PLCB1: variants seen among roughly 807,000 people sequenced by gnomAD.
PLCB1 encodes the protein 1-phosphatidylinositol 4,5-bisphosphate phosphodiesterase beta-1.
PLCB1 carries 46 observed loss-of-function variants against 161.8 expected under a neutral mutation model. The observed-to-expected ratio is 0.28, with a 90% confidence interval of 0.22 to 0.36. The LOEUF (loss-of-function observed/expected upper bound fraction) is 0.36, where lower values mean the gene tolerates loss of function less well. Among genes scored for constraint, PLCB1 ranks in the 10% least tolerant of loss-of-function variants. The probability of loss-of-function intolerance (pLI) is 1.00; values close to 1 mark genes in which losing one functional copy is unlikely to be tolerated. For missense variants in PLCB1, 1,016 were observed against 1,472.5 expected (o/e 0.69, Z 5.07); for synonymous variants, 517 against 503.7 (o/e 1.03, Z -0.35).
At chr20:8,673,503 C>T (rs1990000075) in intron 9 of PLCB1, among the ~76,000 whole-genome samples, 1 of 152,176 alleles carries the variant, frequency 6.6e-6, no homozygotes, top group Non-Finnish European at 1.5e-5. Context: ...GGACTCAGCC[C>T]CCCAAATCCC....
intron 3 of PLCB1, among the ~76,000 whole-genome samples, chr20:8,417,580 C>T (rs1331628598): frequency 2.0e-5 from 3 of 151,966 alleles, no homozygotes; most frequent in Non-Finnish European, 4.4e-5. Context: ...CATGTTCTCT[C>T]TTTTAGGGGA....
At chr20:8,477,450 T>C (rs765485502) in intron 3 of PLCB1, among the ~76,000 whole-genome samples, 3 of 152,116 alleles carry the variant, frequency 2.0e-5, no homozygotes, top group Non-Finnish European at 4.4e-5. Flanking sequence ...TATAAAATAA[T>C]AAGGAGAGAA....
chr20:8,353,122 G>C (rs1413169274), intron 2 of PLCB1, among the ~76,000 whole-genome samples: 3 of 152,010 alleles, frequency 2.0e-5, no homozygotes, highest in African/African-American at 7.2e-5. Context: ...TCTAGAGCTG[G>C]GGAAGGGAAT....
At chr20:8,603,613 G>T (rs1390452222) in intron 3 of PLCB1, among the ~76,000 whole-genome samples, 1 of 152,180 alleles carries the variant, frequency 6.6e-6, no homozygotes, top group Non-Finnish European at 1.5e-5. Context: ...TGTTAGAAAT[G>T]CAGAGTCTCA....
chr20:8,281,397 A>G (rs770793192), intron 2 of PLCB1, among the ~76,000 whole-genome samples: 7 of 152,074 alleles, frequency 4.6e-5, no homozygotes, highest in Non-Finnish European at 1.0e-4. Flanking sequence ...CCTTCTTAAC[A>G]TAGATGTCAT....
intron 3 of PLCB1, among the ~76,000 whole-genome samples, chr20:8,475,062 T>C (rs190725232): frequency 3.9e-5 from 6 of 152,038 alleles, no homozygotes. Flanking sequence ...TTAGTATATT[T>C]GGCAAGGAGA....
chr20:8,684,748 T>C (rs1990317157), intron 9 of PLCB1, among the ~76,000 whole-genome samples, 184 bp from the exon 10 acceptor site: 1 of 152,072 alleles, frequency 6.6e-6, no homozygotes, highest in Admixed American at 6.5e-5. Context: ...ATGTTTTCTC[T>C]ATTGTCTGTG....
rs190598816 is a variant in PLCB1 at position 8,163,437 on chromosome 20, G to A, written c.177+13066G>A. 4.6e-5 allele frequency among the ~76,000 whole-genome samples: 7 copies of A among 152,300 alleles called. 1 individual carries two copies. The highest frequency in any genetic ancestry group is 4.1e-4 in the South Asian group (2 of 4,828). ...ACATAGATGCAGCTGGAAGCTGTCC[G>A]TTGGCATACATGAAAACACATGGGC... On this transcript the variant is annotated intron_variant, in intron 2 of 31. Coordinates refer to ENST00000338037, the MANE Select transcript of PLCB1 (RefSeq NM_015192.4).
intron 31 of PLCB1, among the ~76,000 whole-genome samples, chr20:8,830,678 T>A (rs999432783): frequency 6.6e-6 from 1 of 151,326 alleles, no homozygotes; most frequent in African/African-American, 2.4e-5. Context: ...ACTTTACAGT[T>A]TTTTTTTTAA....
At chr20:8,706,076 C>T (rs1329889607) in intron 11 of PLCB1, among the ~76,000 whole-genome samples, 4 of 152,198 alleles carry the variant, frequency 2.6e-5, no homozygotes, top group East Asian at 1.9e-4. Flanking sequence ...ACAACCACAA[C>T]GGTTTACTTC....
intron 2 of PLCB1, among the ~76,000 whole-genome samples, chr20:8,157,409 A>T (rs1189970985): frequency 1.3e-5 from 2 of 152,212 alleles, no homozygotes; most frequent in African/African-American, 4.8e-5. Context: ...CTTCCTCCCT[A>T]CTGACCAAGA....
rs1020446220 is a variant in PLCB1 at position 8,190,457 on chromosome 20, G to A, written c.177+40086G>A. ...GAAATGCCTTAACATTCTCCATCAG[G>A]GACAAGTTATGTTTTGTAGTTAGCG... is the stretch of plus-strand genomic sequence containing the variant. On this transcript the variant is annotated intron_variant, in intron 2 of 31. Transcript: ENST00000338037. 3.3e-5 allele frequency among the ~76,000 whole-genome samples: 5 copies of A among 152,026 alleles called. No individual in the cohort carries two copies. In the East Asian group the frequency reaches 9.7e-4, roughly 29 times the overall value.
chr20:8,353,225 T>C (rs549770514), intron 2 of PLCB1, among the ~76,000 whole-genome samples: 2 of 152,022 alleles, frequency 1.3e-5, no homozygotes, highest in South Asian at 2.1e-4. Context: ...TTCTCAATGG[T>C]CAAAGCTGGA....
intron 3 of PLCB1, among the ~76,000 whole-genome samples, chr20:8,555,713 A>G (rs1465536788): frequency 6.6e-6 from 1 of 152,106 alleles, no homozygotes; most frequent in Non-Finnish European, 1.5e-5. Flanking sequence ...AGAATATGGC[A>G]TGTGCTCTTA....
intron 2 of PLCB1, among the ~76,000 whole-genome samples, chr20:8,257,370 T>C (rs1387015889): frequency 6.6e-6 from 1 of 152,098 alleles, no homozygotes; most frequent in African/African-American, 2.4e-5. Flanking sequence ...GACTTAAATA[T>C]CTACTCATAT....
intron 31 of PLCB1, among the ~76,000 whole-genome samples, chr20:8,861,443 G>A (rs1024597635): frequency 6.6e-6 from 1 of 152,068 alleles, no homozygotes; most frequent in Admixed American, 6.6e-5. Flanking sequence ...GCTCATGCCT[G>A]TAATCCCAGC....
chr20:8,442,833 T>C (rs1980623627), intron 3 of PLCB1, among the ~76,000 whole-genome samples: 1 of 152,132 alleles, frequency 6.6e-6, no homozygotes. Flanking sequence ...AAAATCCTAA[T>C]AATGATGGAA....
chr20:8,469,807 T>C lies in PLCB1; in HGVS notation c.246+98357T>C, dbSNP rs1238967862. Among the ~76,000 whole-genome samples, 6 of 152,180 alleles carry C rather than the reference T, an allele frequency of 3.9e-5. No individual in the cohort carries two copies. In the East Asian group the frequency reaches 5.8e-4, roughly 15 times the overall value. The stretch of plus-strand genomic sequence containing the variant: ...ATTCACACACCATACAATTCACTCA[T>C]ATAAAGTGTACAATTCTGTAGGTTT... On this transcript the variant is annotated intron_variant, in intron 3 of 31. Coordinates refer to ENST00000338037, the MANE Select transcript of PLCB1 (RefSeq NM_015192.4).
intron 2 of PLCB1, among the ~76,000 whole-genome samples, chr20:8,304,857 A>T (rs1429464106): frequency 6.6e-6 from 1 of 152,100 alleles, no homozygotes; most frequent in Non-Finnish European, 1.5e-5. Context: ...GCTCACCAGG[A>T]TCTGAATCCA....
Sources: gnomAD v4.1 joint callset for allele counts (sites outside exome capture counted in the v4.1 genomes callset) on GRCh38, gnomAD v4.1.1 for gene constraint, MANE v1.5 for transcripts, NCBI Gene and HGNC (gene_info 2026-07-23, HGNC 2026-07-21) for gene names.